Variants in MYH7B observed in about 807,000 individuals in gnomAD.
MYH7B encodes the protein myosin heavy chain 7B.
In MYH7B, 205 loss-of-function variants were observed where a neutral mutation model predicts 234.5. That is an observed-to-expected ratio of 0.87 (90% CI 0.78 to 0.98). MYH7B has a LOEUF of 0.98. MYH7B is among the 50% of genes least tolerant of loss of function. The pLI is 0.00. For missense variants in MYH7B, 2,652 were observed against 2,633.4 expected, an observed-to-expected ratio of 1.01 and a Z score of -0.15; for synonymous variants, 1,193 against 1,105.0, an observed-to-expected ratio of 1.08 and a Z score of -1.58.
chr20:34,986,323 C>A, intron 14 of MYH7B, 125 bp downstream of exon 14: 2 of 729,668 alleles, frequency 2.7e-6, no homozygotes, highest in Non-Finnish European at 4.6e-6. Flanking sequence ...TGTGGCCTCT[C>A]TTCCTTCTTG....
chr20:34,989,082 T>C (rs957888695), intron 19 of MYH7B, among the ~76,000 whole-genome samples: 1 of 152,240 alleles, frequency 6.6e-6, no homozygotes, highest in Admixed American at 6.5e-5. Context: ...AGTGCTGGGA[T>C]TACAGGCGTG....
intron 42 of MYH7B, 33 bp from the exon 43 acceptor site, chr20:35,001,398 C>T (rs1308376577): frequency 6.3e-7 from 1 of 1,593,874 alleles, no homozygotes; most frequent in Non-Finnish European, 8.5e-7. Context: ...TGGCCCAGCC[C>T]AAGCAAGCCC....
chr20:34,996,111 A>G (rs1012999344), intron 28 of MYH7B, among the ~76,000 whole-genome samples: 1 of 152,168 alleles, frequency 6.6e-6, no homozygotes, highest in African/African-American at 2.4e-5. Context: ...GCATCTGTGG[A>G]TTTCTCACCA....
chr20:34,986,326 C>T (rs935118416), intron 14 of MYH7B, 128 bp downstream of exon 14: 11 of 710,208 alleles, frequency 1.5e-5, no homozygotes, highest in Non-Finnish European at 1.7e-5. Context: ...GGCCTCTCTT[C>T]CTTCTTGGGA....
intron 28 of MYH7B, 115 bp from the exon 29 acceptor site, chr20:34,996,231 G>C: frequency 8.0e-7 from 1 of 1,247,750 alleles, no homozygotes; most frequent in Non-Finnish European, 1.1e-6. Context: ...TCGGAGTCAA[G>C]TGACTTGCCT....
At chr20:35,000,650 T>A in exon 39 of MYH7B, 1 of 1,583,182 alleles carries the variant, frequency 6.3e-7, no homozygotes, top group Non-Finnish European at 8.6e-7. Flanking sequence ...AGCAGGAGCT[T>A]TTGGAGGCCA....
chr20:34,996,711 G>A (rs1366290219), exon 30 of MYH7B: 1 of 1,613,548 alleles, frequency 6.2e-7, no homozygotes, highest in Admixed American at 1.7e-5. Flanking sequence ...AGGAGTCGGT[G>A]GCTGATGCTG....
intron 27 of MYH7B, among the ~76,000 whole-genome samples, chr20:34,994,754 A>G (rs1365883163): frequency 6.6e-6 from 1 of 152,250 alleles, no homozygotes; most frequent in Non-Finnish European, 1.5e-5. Flanking sequence ...CAGAGAGCAC[A>G]GATCAAAGGT....
At chr20:34,960,018 T>C (rs183586321) in intron 2 of MYH7B, among the ~76,000 whole-genome samples, 3 of 152,336 alleles carry the variant, frequency 2.0e-5, no homozygotes, top group South Asian at 2.1e-4. Flanking sequence ...TTCCCACATA[T>C]GTACCTTGGG....
intron 19 of MYH7B, 84 bp from the exon 20 acceptor site, chr20:34,989,654 AGG>A: frequency 7.4e-7 from 1 of 1,348,610 alleles, no homozygotes. Flanking sequence ...GGCTCCCAGA[AGG>A]GAGGTGGCCT....
chr20:34,955,887 G>C (rs890053775), exon 1 of MYH7B: 6 of 152,404 alleles, frequency 3.9e-5, no homozygotes, highest in African/African-American at 1.4e-4. Flanking sequence ...GCTGAGTCGA[G>C]GCCAGGAAGG....
chr20:34,997,527 GAGC>G, exon 32 of MYH7B: 1 of 1,607,596 alleles, frequency 6.2e-7, no homozygotes, highest in Non-Finnish European at 8.5e-7. Context: ...GGAGCTGGGG[GAGC>G]AGGTGGACAG....
At chr20:34,981,822 A>G (rs1019145049) in intron 9 of MYH7B, 6 of 141,572 alleles carry the variant, frequency 4.2e-5, no homozygotes, top group South Asian at 2.3e-4. Flanking sequence ...ACTGCACTCC[A>G]GCCTGGGCCA....
At chr20:34,997,415 G>T in exon 32 of MYH7B, 1 of 1,475,626 alleles carries the variant, frequency 6.8e-7, no homozygotes, top group East Asian at 2.7e-5. Flanking sequence ...GCCGCAAGCG[G>T]GAGGCGGAGC....
At chr20:34,980,861 C>A in intron 8 of MYH7B, 127 bp downstream of exon 8, 1 of 1,486,276 alleles carries the variant, frequency 6.7e-7, no homozygotes, top group Non-Finnish European at 9.2e-7. Flanking sequence ...GGTCGCCCAG[C>A]CGTTCTGTCC....
At position 34,996,735 on chromosome 20, in the gene MYH7B, G is replaced by A. The variant is rs765761181; in HGVS notation, c.3243G>A (p.Gln1081=). Residue 1081 remains glutamine, a synonymous_variant, in exon 30 of 45, where the codon CAG becomes CAA. Transcript: ENST00000262873. ...TGGCTGATGCTGCTCAAGACAAGCA[G>A]CAGCTGGAGGAGAAGCTCAAGAAGT... 7 of 1,612,644 alleles carry A rather than the reference G, an allele frequency of 4.3e-6. No individual in the cohort carries two copies. In the East Asian group the frequency reaches 1.6e-4, roughly 36 times the overall value.
At chr20:34,958,849 A>G (rs540493688) in intron 2 of MYH7B, among the ~76,000 whole-genome samples, 12 of 152,278 alleles carry the variant, frequency 7.9e-5, no homozygotes, top group African/African-American at 2.9e-4. Flanking sequence ...TGTGAGCCCC[A>G]TGAAAATGGG....
intron 39 of MYH7B, 30 bp downstream of exon 39, chr20:35,000,719 A>G (rs1569066968): frequency 5.0e-6 from 8 of 1,604,262 alleles, no homozygotes; most frequent in Non-Finnish European, 6.8e-6. Context: ...GGGACAGAGC[A>G]GGTGCAGGCC....
chr20:34,978,261 C>T (rs2081888906), intron 5 of MYH7B, among the ~76,000 whole-genome samples, 165 bp downstream of exon 5: 1 of 152,118 alleles, frequency 6.6e-6, no homozygotes, highest in Admixed American at 6.6e-5. Flanking sequence ...GAAATTAAAA[C>T]CCCAGGGACA....
Sources: allele counts gnomAD v4.1 joint callset (sites outside exome capture counted in the v4.1 genomes callset), GRCh38; gene constraint gnomAD v4.1.1; transcripts MANE v1.5; gene names NCBI Gene and HGNC (gene_info 2026-07-23, HGNC 2026-07-21).